ARHGAP35: variants seen among roughly 807,000 people sequenced by gnomAD.
ARHGAP35 encodes Rho GTPase activating protein 35, also known as rho GTPase-activating protein 35.
Under a neutral mutation model 111.1 loss-of-function variants are expected in ARHGAP35, and 15 were observed. The ratio of observed to expected loss-of-function variants is 0.13; its 90% CI spans 0.09 to 0.21. The LOEUF (loss-of-function observed/expected upper bound fraction) is 0.21. Among genes scored for constraint, ARHGAP35 ranks in the 10% least tolerant of loss-of-function variants. The pLI, the probability that ARHGAP35 is intolerant of heterozygous loss-of-function variation, is 1.00. For missense variants in ARHGAP35, 1,262 were observed against 1,873.0 expected (o/e 0.67, Z 6.02); for synonymous variants, 643 against 710.3 (o/e 0.91, Z 1.51).
At position 46,919,798 on chromosome 19, in the gene ARHGAP35, G is replaced by C. The variant is rs757114224; in HGVS notation, c.1123G>C (p.Glu375Gln). 1.2e-6 allele frequency: 2 copies of C among 1,614,052 alleles called. No individual in the cohort carries two copies. Among genetic ancestry groups the C allele is most frequent in the East Asian group, 4.5e-5 (2 of 44,890 alleles). Residue 375 changes from glutamate to glutamine, a missense_variant, in exon 2 of 7, where the codon GAA becomes CAA. Glu to Gln is a conservative substitution (Grantham distance 29). Coordinates refer to ENST00000672722, the MANE Select transcript of ARHGAP35 (RefSeq NM_004491.5). This position sits in a 1 kb window ranked among gnomAD's most constrained non-coding sequence, Gnocchi z 6.2. ...CAAAAAGCTCTTAGAAACCAAGCCAGAATTCTTGAAGTGGTTTGTTGTGCT... is the reference window on the plus strand; with the variant it reads ...CAAAAAGCTCTTAGAAACCAAGCCACAATTCTTGAAGTGGTTTGTTGTGCT... ...KAKKLLETKP[E>Q]FLKWFVVLEE...
At chr19:46,871,274 G>T (rs1463488460) in intron 1 of ARHGAP35, among the ~76,000 whole-genome samples, 2 of 152,218 alleles carry the variant, frequency 1.3e-5, no homozygotes, top group Admixed American at 1.3e-4. Context: ...AGTGAAATGG[G>T]ACTGGTATTG....
intron 1 of ARHGAP35, among the ~76,000 whole-genome samples, chr19:46,894,843 TAGAG>T (rs571905433): frequency 8.1e-4 from 123 of 152,320 alleles, no homozygotes; most frequent in East Asian, 7.7e-3. Context: ...ATTGAGATAA[TAGAG>T]AGAGATTTTC....
rs538116790 is a variant in ARHGAP35, at chr19:46,949,665, G to A, written c.3826+12257G>A. Among the ~76,000 whole-genome samples the A allele has an allele frequency of 1.4e-4, 22 of 152,344 alleles. 1 individual carries two copies. The South Asian group carries it at 3.3e-3, about 23-fold the overall frequency. On this transcript the variant is annotated intron_variant, in intron 3 of 6. Transcript: ENST00000672722. The stretch of plus-strand genomic sequence containing the variant: ...GCTGACACCCCACCTTTGCCAGGCA[G>A]GAGTAGCTGGCCAACCATAGGCAAG...
chr19:46,869,233 C>G (rs906154386), intron 1 of ARHGAP35, among the ~76,000 whole-genome samples: 5 of 151,856 alleles, frequency 3.3e-5, no homozygotes, highest in African/African-American at 1.2e-4. Flanking sequence ...TAACTTTTTG[C>G]ATTTTAAAAA....
intron 1 of ARHGAP35, among the ~76,000 whole-genome samples, chr19:46,869,767 T>C (rs967848218): frequency 1.3e-5 from 2 of 152,066 alleles, no homozygotes; most frequent in African/African-American, 4.8e-5. Context: ...CATCTTCTGC[T>C]AGAGTAGCTT....
At chr19:46,875,228 C>T (rs2055911709) in intron 1 of ARHGAP35, among the ~76,000 whole-genome samples, 1 of 151,970 alleles carries the variant, frequency 6.6e-6, no homozygotes, top group South Asian at 2.1e-4. Flanking sequence ...ACTGATCATT[C>T]TTTCTGTTGT....
At chr19:46,938,561 C>G (rs778504996) in intron 3 of ARHGAP35, among the ~76,000 whole-genome samples, 18 of 151,912 alleles carry the variant, frequency 1.2e-4, no homozygotes, top group African/African-American at 1.7e-4. Context: ...CCATGTTGGC[C>G]AGGCTGTTCT....
Position 46,922,048 on chromosome 19 carries a change from G to A in ARHGAP35, c.3373G>A (p.Ala1125Thr), listed in dbSNP as rs746954752. 1 of 1,614,034 alleles carries A rather than the reference G, an allele frequency of 6.2e-7. No individual in the cohort carries two copies. Among genetic ancestry groups the A allele is most frequent in the African/African-American group, 1.3e-5 (1 of 75,040 alleles). The change falls in exon 2 of 7, where the codon GCC (alanine) becomes ACC (threonine). Residue 1125 changes from alanine (A) to threonine (T), a missense_variant. By Grantham distance (58) the Ala-to-Thr change is moderately conservative. Around this residue, in one of 8 missense-constraint regions of ARHGAP35, gnomAD observed 579 missense variants for 716.9 expected, o/e 0.81. Coordinates refer to ENST00000672722, the MANE Select transcript of ARHGAP35 (RefSeq NM_004491.5). This position sits in a 1 kb window ranked among gnomAD's most constrained non-coding sequence, Gnocchi z 4.0. ...KIITIRNINK[A>T]QSNGSGNGSD... ...CATCACCATTCGGAATATCAACAAA[G>A]CCCAGTCCAACGGCAGCGGGAATGG...
At chr19:46,882,912 CT>C (rs910444100) in intron 1 of ARHGAP35, among the ~76,000 whole-genome samples, 20 of 152,158 alleles carry the variant, frequency 1.3e-4, no homozygotes, top group Admixed American at 1.0e-3. Context: ...CTTTCAAGAA[CT>C]TTTCCTTCGC....
chr19:46,959,956 TTTAG>T (rs899497817), intron 3 of ARHGAP35, among the ~76,000 whole-genome samples: 11 of 150,868 alleles, frequency 7.3e-5, no homozygotes, highest in Non-Finnish European at 1.6e-4. Flanking sequence ...TTTTTTTTTT[TTTAG>T]TTAGCCATGC....
chr19:46,986,147 AC>A lies in ARHGAP35; in HGVS notation c.3827-1838del, dbSNP rs777495253. Among the ~76,000 whole-genome samples, 1 of 152,046 alleles carries A rather than the reference AC, an allele frequency of 6.6e-6. No homozygotes were observed. Among genetic ancestry groups the A allele is most frequent in the African/African-American group, 2.4e-5 (1 of 41,382 alleles). ...GACCCAGGGTTGCTTTAGCCATGAGACCCCATGTCAGTTTTCACAGTGACTT... is the reference window on the plus strand; with the variant it reads ...GACCCAGGGTTGCTTTAGCCATGAGACCCATGTCAGTTTTCACAGTGACTT... On this transcript the variant is annotated intron_variant, in intron 3 of 6. Coordinates refer to ENST00000672722, the MANE Select transcript of ARHGAP35 (RefSeq NM_004491.5). The surrounding 1 kb of genome is among the most constrained non-coding windows in gnomAD (Gnocchi z 4.3).
chr19:46,891,634 C>T (rs965228008), intron 1 of ARHGAP35, among the ~76,000 whole-genome samples: 2 of 152,112 alleles, frequency 1.3e-5, no homozygotes, highest in Admixed American at 6.5e-5. Context: ...ACCATGTTGG[C>T]CAGGATGGTC....
chr19:46,891,851 TG>T (rs2056025518), intron 1 of ARHGAP35, among the ~76,000 whole-genome samples: 1 of 152,144 alleles, frequency 6.6e-6, no homozygotes, highest in Non-Finnish European at 1.5e-5. Context: ...GATTAAGAAT[TG>T]GTTAACTGGC....
At chr19:46,897,447 CTTTT>C (rs397749963) in intron 1 of ARHGAP35, among the ~76,000 whole-genome samples, 3 of 135,092 alleles carry the variant, frequency 2.2e-5, no homozygotes, top group African/African-American at 2.7e-5. Flanking sequence ...TTTATTTTGT[CTTTT>C]TTTTTTTTTT....
chr19:46,983,963 A>C (rs79226297), intron 3 of ARHGAP35, among the ~76,000 whole-genome samples: 2 of 152,142 alleles, frequency 1.3e-5, no homozygotes, highest in African/African-American at 2.4e-5. Context: ...AACCATTGGA[A>C]CAAGACTTTT....
At chr19:46,909,130 T>A (rs2056125224) in intron 1 of ARHGAP35, among the ~76,000 whole-genome samples, 1 of 151,954 alleles carries the variant, frequency 6.6e-6, no homozygotes, top group Non-Finnish European at 1.5e-5. Flanking sequence ...TGAGACCTCA[T>A]CTCTACAAAA....
At chr19:46,863,467 G>A (rs1314359596) in intron 1 of ARHGAP35, among the ~76,000 whole-genome samples, 1 of 152,056 alleles carries the variant, frequency 6.6e-6, no homozygotes, top group Admixed American at 6.6e-5. Flanking sequence ...TCTGCTGTTT[G>A]CTCTCTCCCT....
intron 3 of ARHGAP35, among the ~76,000 whole-genome samples, chr19:46,978,538 ATGTG>A (rs531674585): frequency 1.4e-5 from 1 of 69,598 alleles, no homozygotes; most frequent in African/African-American, 5.8e-5. Context: ...GTGTGGTGGG[ATGTG>A]TGTGTGTGGT....
chr19:46,937,064 T>C (rs1038428832), intron 2 of ARHGAP35, among the ~76,000 whole-genome samples, 200 bp from the exon 3 acceptor site: 8 of 152,120 alleles, frequency 5.3e-5, no homozygotes, highest in African/African-American at 1.9e-4. Flanking sequence ...GGTCTCAAAC[T>C]CCTGACCTGA....
Sources: allele counts gnomAD v4.1 joint callset (sites outside exome capture counted in the v4.1 genomes callset), GRCh38; gene constraint gnomAD v4.1.1; regional missense constraint gnomAD v4.1.1; non-coding constraint Gnocchi (gnomAD v3.1); transcripts MANE v1.5; gene names NCBI Gene and HGNC (gene_info 2026-07-23, HGNC 2026-07-21).